The following ATP11B variants were observed in gnomAD, a reference collection of about 807,000 sequenced individuals.
The protein encoded by ATP11B is phospholipid-transporting ATPase IF.
In ATP11B, 81 loss-of-function variants were observed where a neutral mutation model predicts 157.8. The ratio of observed to expected loss-of-function variants is 0.51; its 90% CI spans 0.43 to 0.62. ATP11B has a LOEUF of 0.62. ATP11B is among the 20% of genes least tolerant of loss of function. The pLI, the probability that ATP11B is intolerant of heterozygous loss-of-function variation, is 0.00. For synonymous variants in ATP11B, 451 were observed against 469.4 expected (o/e 0.96, Z 0.51); for missense variants, 1,165 against 1,402.2 (o/e 0.83, Z 2.70).
At chr3:182,863,860 T>C (rs1338885303) in intron 12 of ATP11B, among the ~76,000 whole-genome samples, 2 of 152,094 alleles carry the variant, frequency 1.3e-5, no homozygotes, top group Non-Finnish European at 2.9e-5. Context: ...ATGTATCTTA[T>C]ATATTTTCTG....
chr3:182,815,223 G>A (rs1225040137), intron 1 of ATP11B, among the ~76,000 whole-genome samples: 1 of 152,172 alleles, frequency 6.6e-6, no homozygotes, highest in Admixed American at 6.5e-5. Context: ...ATCCTGAAGT[G>A]AAAGTTATGT....
rs768660214 is a variant in ATP11B, at chr3:182,898,632, T to C, written c.3178T>C (p.Tyr1060His). The C allele has an allele frequency of 3.1e-6, 5 of 1,604,124 alleles. No homozygotes were observed. The South Asian group carries it at 5.6e-5, about 18-fold the overall frequency. ...GCCATTTTTGGGCTCCCAGAATATG[T>C]ATTTTGTGTTTATTCAGCTCCTGTC... ...LWPFLGSQNM[Y>H]FVFIQLLSSG... Residue 1060 changes from tyrosine (Y) to histidine (H), a missense_variant, in exon 28 of 30, where the codon TAT becomes CAT. By Grantham distance (83) the Tyr-to-His change is moderately conservative. Around this residue, in one of 4 missense-constraint regions of ATP11B, gnomAD observed 303 missense variants for 296.3 expected, o/e 1.02. Coordinates refer to ENST00000323116, the MANE Select transcript of ATP11B (RefSeq NM_014616.3).
At chr3:182,881,003 GT>G in intron 21 of ATP11B, 22 bp downstream of exon 21, 2 of 1,536,590 alleles carry the variant, frequency 1.3e-6, no homozygotes, top group East Asian at 2.3e-5. Context: ...TTCCTGAAAA[GT>G]TTTTCCTGAA....
At chr3:182,891,405 AT>A (rs1235982269) in intron 25 of ATP11B, among the ~76,000 whole-genome samples, 1 of 152,146 alleles carries the variant, frequency 6.6e-6, no homozygotes, top group East Asian at 1.9e-4. Context: ...CCCAGATATT[AT>A]TACTTTTATT....
rs1725285824 is a variant in ATP11B at position 182,918,673 on chromosome 3, A to C, written c.*569A>C. 3.5e-6 allele frequency: 1 copy of C among 282,696 alleles called. No homozygotes were observed. Among genetic ancestry groups the C allele is most frequent in the African/African-American group, 2.2e-5 (1 of 46,178 alleles). 17.5% of individuals were successfully genotyped at this position (282,696 alleles called of 1,614,324 possible). On this transcript the variant is annotated 3_prime_UTR_variant, in exon 30 of 30. Transcript: ENST00000323116. ...CTGAGTTCACAGAGCAAATTAGGAG[A>C]ATCATTTCCAACCATTATTTACTGC... is the stretch of plus-strand genomic sequence containing the variant.
intron 28 of ATP11B, among the ~76,000 whole-genome samples, chr3:182,912,977 A>C (rs965891155): frequency 6.6e-6 from 1 of 152,192 alleles, no homozygotes; most frequent in South Asian, 2.1e-4. Context: ...GTTGGGATTC[A>C]TCGAGCTACG....
rs184506097 is a variant in ATP11B, at chr3:182,840,505, G to A, written c.657-1570G>A. Among the ~76,000 whole-genome samples the A allele has an allele frequency of 3.9e-5, 6 of 152,270 alleles. 1 individual carries two copies. The highest frequency in any genetic ancestry group is 1.4e-4 in the African/African-American group (6 of 41,546). The stretch of plus-strand genomic sequence containing the variant: ...CTAAACTTCAGCTGCCTGTTCTACA[G>A]TTCCACCTGGATATTTAGTAGAAAT... On this transcript the variant is annotated intron_variant, in intron 7 of 29. Transcript: ENST00000323116.
At chr3:182,830,613 G>A (rs1306243206) in intron 4 of ATP11B, among the ~76,000 whole-genome samples, 7 of 152,138 alleles carry the variant, frequency 4.6e-5, no homozygotes, top group Admixed American at 2.0e-4. Flanking sequence ...AATTTTCTCA[G>A]GCAAATGTGA....
intron 1 of ATP11B, among the ~76,000 whole-genome samples, chr3:182,808,268 G>A (rs959588758): frequency 6.6e-6 from 1 of 152,196 alleles, no homozygotes; most frequent in African/African-American, 2.4e-5. Flanking sequence ...TGGAGAGACT[G>A]TAAAGTAGTT....
At chr3:182,842,158 A>G (rs976721536) in intron 8 of ATP11B, 36 bp downstream of exon 8, 39 of 1,469,400 alleles carry the variant, frequency 2.7e-5, no homozygotes, top group Non-Finnish European at 3.6e-5. Context: ...TTACCTTTAA[A>G]TGGGAACTGT....
intron 7 of ATP11B, 81 bp from the exon 8 acceptor site, chr3:182,841,994 A>AAC: frequency 6.5e-6 from 6 of 916,674 alleles, no homozygotes; most frequent in Non-Finnish European, 1.0e-5. Context: ...AAAAAAAAAA[A>AAC]AAACAAAGGA....
At chr3:182,869,041 A>C (rs1721450387) in intron 15 of ATP11B, 37 bp from the exon 16 acceptor site, 1 of 1,414,134 alleles carries the variant, frequency 7.1e-7, no homozygotes, top group Non-Finnish European at 9.7e-7. Flanking sequence ...TTTTAAAAAA[A>C]GTAAAGTTTT....
chr3:182,867,125 C>T (rs1476411385), intron 14 of ATP11B, among the ~76,000 whole-genome samples: 3 of 151,398 alleles, frequency 2.0e-5, no homozygotes, highest in Admixed American at 1.3e-4. Flanking sequence ...GATTGGGTTT[C>T]GCCATGTTAG....
chr3:182,794,013 G>C (rs1023961083), intron 1 of ATP11B, among the ~76,000 whole-genome samples: 7 of 152,026 alleles, frequency 4.6e-5, no homozygotes, highest in African/African-American at 9.7e-5. Context: ...CGAGCGGCCG[G>C]AGGCGGCCGC....
At chr3:182,892,214 C>T (rs1723223324) in intron 25 of ATP11B, among the ~76,000 whole-genome samples, 1 of 152,098 alleles carries the variant, frequency 6.6e-6, no homozygotes, top group Non-Finnish European at 1.5e-5. Context: ...ATTCCCTCAC[C>T]ACCACCTATT....
chr3:182,860,677 A>C (rs966036146), intron 12 of ATP11B, among the ~76,000 whole-genome samples: 1 of 151,810 alleles, frequency 6.6e-6, no homozygotes, highest in Non-Finnish European at 1.5e-5. Context: ...TTCAATTTTC[A>C]GTTTTTATTT....
chr3:182,886,761 C>T (rs1722819240), intron 23 of ATP11B, among the ~76,000 whole-genome samples: 1 of 152,142 alleles, frequency 6.6e-6, no homozygotes, highest in South Asian at 2.1e-4. Context: ...GATCAAGACA[C>T]TAGTTCTAAT....
intron 2 of ATP11B, among the ~76,000 whole-genome samples, chr3:182,825,689 C>G (rs993588070): frequency 6.8e-6 from 1 of 146,484 alleles, no homozygotes; most frequent in African/African-American, 2.6e-5. Flanking sequence ...AGCCACTGCA[C>G]TCCAGCCTGG....
At position 182,918,122 on chromosome 3, in the gene ATP11B, G is replaced by C. The variant is rs375760541; in HGVS notation, c.*18G>C. ...CTTGTTAAAGGGGCAGTAGTACTTT[G>C]TGGGAGCCAGTTCACCTCCTTTCCT... On this transcript the variant is annotated 3_prime_UTR_variant, in exon 30 of 30. Transcript: ENST00000323116. 1.2e-6 allele frequency: 2 copies of C among 1,611,636 alleles called. No individual in the cohort carries two copies. Among genetic ancestry groups the C allele is most frequent in the South Asian group, 2.2e-5 (2 of 90,618 alleles).
Sources: allele counts gnomAD v4.1 joint callset (sites outside exome capture counted in the v4.1 genomes callset), GRCh38; gene constraint gnomAD v4.1.1; regional missense constraint gnomAD v4.1.1; transcripts MANE v1.5; gene names NCBI Gene and HGNC (gene_info 2026-07-23, HGNC 2026-07-21).